The following PRSS55 variants were observed in gnomAD, a reference collection of about 807,000 sequenced individuals.
PRSS55 encodes the protein probable serine protease UNQ9391/PRO34284.
A neutral mutation model predicts 23.6 loss-of-function variants in PRSS55; 41 were observed. The ratio of observed to expected loss-of-function variants is 1.74; its 90% confidence interval spans 1.35 to 2.26. The LOEUF (loss-of-function observed/expected upper bound fraction) is 2.26, where lower values mean the gene tolerates loss of function less well. Ranked by LOEUF, PRSS55 falls within the 30% of genes most tolerant of loss-of-function variation. The pLI is 0.00. For missense variants in PRSS55, 669 were observed against 439.1 expected, an observed-to-expected ratio of 1.52 and a Z score of -4.68; for synonymous variants, 262 against 175.5, an observed-to-expected ratio of 1.49 and a Z score of -3.90.
chr8:10,542,862 A>G (rs1391209700), downstream of PRSS55, among the ~76,000 whole-genome samples: 1 of 130,774 alleles, frequency 7.6e-6, no homozygotes, highest in African/African-American at 2.9e-5. Context: ...GACAAAAGCA[A>G]AACTTTGTCT....
At chr8:10,539,732 G>C (rs1563544571), downstream of PRSS55, among the ~76,000 whole-genome samples, 1 of 152,172 alleles carries the variant, frequency 6.6e-6, no homozygotes, top group African/African-American at 2.4e-5. Context: ...TGCCATGTAA[G>C]ATGTGCCTTT....
intron 4 of PRSS55, among the ~76,000 whole-genome samples, chr8:10,553,714 G>C (rs1489868394): frequency 6.6e-6 from 1 of 152,188 alleles, no homozygotes; most frequent in East Asian, 1.9e-4. Context: ...CTATTGCACA[G>C]CATGGTTACT....
At chr8:10,551,920 A>G (rs1223492173) in intron 4 of PRSS55, among the ~76,000 whole-genome samples, 1 of 152,174 alleles carries the variant, frequency 6.6e-6, no homozygotes, top group East Asian at 1.9e-4. Flanking sequence ...CTGCTTTCAA[A>G]TGTTCCTGCC....
At chr8:10,553,478 G>A (rs538576293) in intron 4 of PRSS55, among the ~76,000 whole-genome samples, 14 of 152,270 alleles carry the variant, frequency 9.2e-5, no homozygotes, top group African/African-American at 2.9e-4. Flanking sequence ...AAACAAGAAG[G>A]AAATTCTGTC....
intron 3 of PRSS55, chr8:10,531,837 T>G: frequency 2.5e-6 from 1 of 393,820 alleles, no homozygotes; most frequent in Non-Finnish European, 4.6e-6. Flanking sequence ...TACTCTGTAT[T>G]CATAAACATC....
chr8:10,541,932 C>T (rs1459370590), downstream of PRSS55, among the ~76,000 whole-genome samples: 2 of 152,100 alleles, frequency 1.3e-5, no homozygotes, highest in African/African-American at 2.4e-5. Flanking sequence ...CATCACCACA[C>T]CTGGCTCATT....
intron 2 of PRSS55, among the ~76,000 whole-genome samples, chr8:10,530,614 A>G (rs762746427): frequency 6.6e-6 from 1 of 152,160 alleles, no homozygotes; most frequent in Non-Finnish European, 1.5e-5. Flanking sequence ...CACAGTACCC[A>G]TCTAGTATAT....
chr8:10,538,945 C>T (rs1271357006), downstream of PRSS55: 2 of 688,854 alleles, frequency 2.9e-6, no homozygotes, highest in Admixed American at 6.4e-5. Flanking sequence ...GGTTTGGGGA[C>T]TGCACTTTGG....
chr8:10,553,199 T>G (rs1450147548), intron 4 of PRSS55, among the ~76,000 whole-genome samples: 2 of 152,190 alleles, frequency 1.3e-5, no homozygotes, highest in Non-Finnish European at 2.9e-5. Flanking sequence ...CTTTGCTGGC[T>G]CTCTCTCTCA....
At chr8:10,538,285 C>A (rs571715249) in intron 4 of PRSS55, among the ~76,000 whole-genome samples, 191 bp from the exon 5 acceptor site, 13 of 150,590 alleles carry the variant, frequency 8.6e-5, no homozygotes, top group Admixed American at 3.3e-4. Flanking sequence ...CACCCCACCC[C>A]CAACGCTCTA....
chr8:10,545,170 A>G, intron 4 of PRSS55: 1 of 192,540 alleles, frequency 5.2e-6, no homozygotes, highest in Non-Finnish European at 9.4e-6. Flanking sequence ...AATGAAATCG[A>G]AAATGAACAA....
intron 4 of PRSS55, among the ~76,000 whole-genome samples, chr8:10,549,507 A>G (rs1563551079): frequency 6.6e-6 from 1 of 152,206 alleles, no homozygotes; most frequent in Non-Finnish European, 1.5e-5. Context: ...TGTCCAGCAC[A>G]CTGGGGGTCA....
In PRSS55 at chr8:10,548,279, C is replaced by T. The variant is rs569983046; in HGVS notation, c.742-5664C>T. Among the ~76,000 whole-genome samples, 177 of 152,222 alleles carry T rather than the reference C, an allele frequency of 1.2e-3. 1 individual carries two copies. Among genetic ancestry groups the T allele is most frequent in the African/African-American group, 4.2e-3 (175 of 41,542 alleles). On this transcript the variant is annotated intron_variant, in intron 4 of 4. Transcript: ENST00000522210. The stretch of plus-strand genomic sequence containing the variant: ...AGTGACTCCAGACCAGGCACGAGGG[C>T]TTCAGTGTCTCCCTGTGCTTGGTCA...
chr8:10,551,996 G>T lies in PRSS55; in HGVS notation c.742-1947G>T, dbSNP rs28454914. Among the ~76,000 whole-genome samples the T allele has an allele frequency of 1.9e-3, 291 of 152,376 alleles. 1 individual carries two copies. The highest frequency in any genetic ancestry group is 6.3e-3 in the African/African-American group (263 of 41,588). On this transcript the variant is annotated intron_variant, in intron 4 of 4. Transcript: ENST00000522210. ...TAATAGCTCTACAGAGCAGCCGGGT[G>T]TGGAGATGCACGGCAGAACGTGCCG... is the stretch of plus-strand genomic sequence containing the variant.
chr8:10,549,008 G>A (rs11777184), intron 4 of PRSS55, among the ~76,000 whole-genome samples: 10,308 of 152,196 alleles, frequency 0.068, 409 homozygotes, highest in Middle Eastern at 0.12. Context: ...TCGTCTGTGG[G>A]TGCTGCTGTA....
chr8:10,546,031 T>C (rs1812809656), intron 4 of PRSS55, among the ~76,000 whole-genome samples: 1 of 151,804 alleles, frequency 6.6e-6, no homozygotes, highest in African/African-American at 2.4e-5. Flanking sequence ...TGGGCACAGA[T>C]GGGGAGAGGA....
chr8:10,554,080 T>C (rs1410529544), exon 5 of PRSS55: 7 of 1,267,228 alleles, frequency 5.5e-6, no homozygotes, highest in Non-Finnish European at 6.5e-6. Context: ...GCAGAAAACA[T>C]ACCCTTGGGC....
intron 3 of PRSS55, 127 bp from the exon 4 acceptor site, chr8:10,532,779 C>A: frequency 1.7e-6 from 2 of 1,158,928 alleles, no homozygotes; most frequent in Admixed American, 2.3e-5. Context: ...AAGTGAGGGG[C>A]TGCAGAGCCT....
At chr8:10,554,071 C>A in exon 5 of PRSS55, 1 of 1,340,198 alleles carries the variant, frequency 7.5e-7, no homozygotes, top group Non-Finnish European at 1.0e-6. Flanking sequence ...ATTTTTGGGG[C>A]AGAAAACATA....
Sources: gnomAD v4.1 joint callset for allele counts (sites outside exome capture counted in the v4.1 genomes callset) on GRCh38, gnomAD v4.1.1 for gene constraint, MANE v1.5 for transcripts, NCBI Gene and HGNC (gene_info 2026-07-23, HGNC 2026-07-21) for gene names.